Variants in ROBO2 observed in about 807,000 individuals in gnomAD.
The protein encoded by ROBO2 is roundabout guidance receptor 2, also known as roundabout homolog 2.
In ROBO2, 53 loss-of-function variants were observed where a neutral mutation model predicts 160.8. That is an observed-to-expected ratio of 0.33 (90% confidence interval 0.26 to 0.41). The LOEUF is 0.41. Ranked by LOEUF, ROBO2 falls within the 10% of genes least tolerant of loss-of-function variation. ROBO2 has a pLI of 1.00. For synonymous variants in ROBO2, 664 were observed against 611.7 expected (o/e 1.09, Z -1.26); for missense variants, 1,577 against 1,722.4 (o/e 0.92, Z 1.49).
In ROBO2 at chr3:76,982,674, C is replaced by T. The variant is rs191522943; in HGVS notation, c.110-115340C>T. ...AATAAAATGAAAGAATTATGGGGCA[C>T]GGTTGTATCTTATTAATTTATACCT... is the stretch of plus-strand genomic sequence containing the variant. On this transcript the variant is annotated intron_variant, in intron 2 of 26. Transcript: ENST00000487694. Among the ~76,000 whole-genome samples the T allele has an allele frequency of 1.2e-3, 175 of 152,056 alleles. 1 individual carries two copies. The Middle Eastern group carries it at 0.02, about 18-fold the overall frequency.
intron 24 of ROBO2, among the ~76,000 whole-genome samples, chr3:77,644,244 T>G (rs188506127): frequency 4.6e-5 from 7 of 152,286 alleles, no homozygotes; most frequent in Non-Finnish European, 1.0e-4. Context: ...TTTAAAAGCT[T>G]ATTTAACTAA....
chr3:77,644,237 A>G (rs2095388665), intron 24 of ROBO2, among the ~76,000 whole-genome samples: 1 of 152,182 alleles, frequency 6.6e-6, no homozygotes, highest in South Asian at 2.1e-4. Context: ...CATAAATTTT[A>G]AAAGCTTATT....
At chr3:76,083,328 A>C (rs1160376165) in intron 2 of ROBO2, among the ~76,000 whole-genome samples, 2 of 152,148 alleles carry the variant, frequency 1.3e-5, no homozygotes, top group Non-Finnish European at 2.9e-5. Flanking sequence ...AGCATTTGGA[A>C]AAGTATTAAG....
intron 2 of ROBO2, among the ~76,000 whole-genome samples, chr3:76,959,571 G>T (rs930019006): frequency 6.6e-6 from 1 of 152,096 alleles, no homozygotes; most frequent in Admixed American, 6.5e-5. Flanking sequence ...GTTTTTTATT[G>T]CAGGGAATTT....
At chr3:77,459,070 A>T (rs760370838) in intron 2 of ROBO2, among the ~76,000 whole-genome samples, 1 of 152,176 alleles carries the variant, frequency 6.6e-6, no homozygotes, top group Non-Finnish European at 1.5e-5. Flanking sequence ...CAACTGCAAT[A>T]TTTTAAAATA....
chr3:76,831,195 T>C (rs2067063732), intron 2 of ROBO2, among the ~76,000 whole-genome samples: 1 of 152,172 alleles, frequency 6.6e-6, no homozygotes, highest in Admixed American at 6.6e-5. Flanking sequence ...GCATCCTGAG[T>C]CAAAAATATC....
intron 2 of ROBO2, among the ~76,000 whole-genome samples, chr3:76,540,321 G>T (rs928710229): frequency 6.6e-6 from 1 of 152,164 alleles, no homozygotes; most frequent in Admixed American, 6.6e-5. Context: ...GATGGAGAGG[G>T]TAATGCTGGA....
intron 2 of ROBO2, among the ~76,000 whole-genome samples, chr3:76,859,563 A>G (rs2070513182): frequency 6.6e-6 from 1 of 152,042 alleles, no homozygotes; most frequent in Non-Finnish European, 1.5e-5. Context: ...TTCTGTTGTC[A>G]CGTCTTCCTT....
intron 2 of ROBO2, among the ~76,000 whole-genome samples, chr3:77,264,162 A>G (rs2058971474): frequency 6.6e-6 from 1 of 152,198 alleles, no homozygotes; most frequent in Non-Finnish European, 1.5e-5. Context: ...AGTGCTTTTA[A>G]CAAATGGAAA....
chr3:77,445,785 T>G (rs548522144), intron 2 of ROBO2, among the ~76,000 whole-genome samples: 5 of 78,232 alleles, frequency 6.4e-5, no homozygotes, highest in Admixed American at 1.1e-4. Flanking sequence ...AATTAAAAGG[T>G]TTTTTTTTGT....
intron 2 of ROBO2, among the ~76,000 whole-genome samples, chr3:77,105,551 A>G (rs924263344): frequency 6.6e-6 from 1 of 152,174 alleles, no homozygotes; most frequent in Non-Finnish European, 1.5e-5. Flanking sequence ...TCCATCAAAT[A>G]CTTTCAAATG....
intron 2 of ROBO2, among the ~76,000 whole-genome samples, chr3:77,142,091 C>A (rs1307277969): frequency 6.6e-6 from 1 of 151,122 alleles, no homozygotes; most frequent in Non-Finnish European, 1.5e-5. Context: ...CTCTCTGTTT[C>A]TCTCTCTCTC....
chr3:77,017,870 G>C (rs2062376641), intron 2 of ROBO2, among the ~76,000 whole-genome samples: 1 of 151,904 alleles, frequency 6.6e-6, no homozygotes, highest in Admixed American at 6.6e-5. Context: ...GCCTGAGGTG[G>C]TAATTTTTTG....
At chr3:76,873,631 A>G (rs369400177) in intron 2 of ROBO2, among the ~76,000 whole-genome samples, 65 of 152,162 alleles carry the variant, frequency 4.3e-4, no homozygotes, top group African/African-American at 1.2e-3. Context: ...GGGTCTTACT[A>G]TGTTGCCCAG....
At chr3:76,866,990 G>C (rs2071439966) in intron 2 of ROBO2, among the ~76,000 whole-genome samples, 1 of 152,100 alleles carries the variant, frequency 6.6e-6, no homozygotes, top group Non-Finnish European at 1.5e-5. Flanking sequence ...CTTAGAATAT[G>C]CAGTGAACCA....
At chr3:75,917,163 T>G (rs1946847798) in intron 1 of ROBO2, among the ~76,000 whole-genome samples, 1 of 152,250 alleles carries the variant, frequency 6.6e-6, no homozygotes, top group Middle Eastern at 3.4e-3. Context: ...GCATTAGCTA[T>G]TTGTCCTAAT....
At chr3:76,750,975 C>A (rs532009824) in intron 2 of ROBO2, among the ~76,000 whole-genome samples, 2 of 152,184 alleles carry the variant, frequency 1.3e-5, no homozygotes, top group African/African-American at 4.8e-5. Context: ...CTAAAAAGAG[C>A]CCACATTGCC....
intron 2 of ROBO2, among the ~76,000 whole-genome samples, chr3:77,441,680 CAGTT>C (rs1482717640): frequency 5.9e-5 from 9 of 152,166 alleles, no homozygotes; most frequent in African/African-American, 1.4e-4. Flanking sequence ...CACAGAGTAA[CAGTT>C]AGAAGATAAA....
chr3:76,559,902 T>C (rs576717148), intron 2 of ROBO2, among the ~76,000 whole-genome samples: 3 of 152,254 alleles, frequency 2.0e-5, no homozygotes, highest in South Asian at 2.1e-4. Flanking sequence ...GTAATGCTAT[T>C]ACCATGAGGA....
Sources: allele counts gnomAD v4.1 joint callset (sites outside exome capture counted in the v4.1 genomes callset), GRCh38; gene constraint gnomAD v4.1.1; transcripts MANE v1.5; gene names NCBI Gene and HGNC (gene_info 2026-07-23, HGNC 2026-07-21).